The following SETBP1 variants were observed in gnomAD, a reference collection of about 807,000 sequenced individuals.
The protein encoded by SETBP1 is SET binding protein 1.
In SETBP1, 9 loss-of-function variants were observed where a neutral mutation model predicts 101.0. The ratio of observed to expected loss-of-function variants is 0.09; its 90% CI spans 0.05 to 0.16. The LOEUF (loss-of-function observed/expected upper bound fraction) is 0.16, where lower values mean the gene tolerates loss of function less well. Among genes scored for constraint, SETBP1 ranks in the 10% least tolerant of loss-of-function variants. The probability of loss-of-function intolerance (pLI) is 1.00; values close to 1 mark genes in which losing one functional copy is unlikely to be tolerated. For synonymous variants in SETBP1, 818 were observed against 788.5 expected (o/e 1.04, Z -0.63); for missense variants, 1,858 against 2,033.8 (o/e 0.91, Z 1.66).
intron 2 of SETBP1, among the ~76,000 whole-genome samples, chr18:44,703,461 T>C (rs904323834): frequency 6.7e-6 from 1 of 149,424 alleles, no homozygotes; most frequent in African/African-American, 2.5e-5. Context: ...ACAGGGCTTG[T>C]GTCCATCCTT....
chr18:44,757,034 C>A (rs1007085643), intron 2 of SETBP1, among the ~76,000 whole-genome samples: 1 of 151,410 alleles, frequency 6.6e-6, no homozygotes, highest in African/African-American at 2.4e-5. Flanking sequence ...ATTTTAAATT[C>A]TTTTTTTTTG....
intron 2 of SETBP1, among the ~76,000 whole-genome samples, chr18:44,838,856 A>G (rs771379853): frequency 6.6e-6 from 1 of 152,196 alleles, no homozygotes; most frequent in Non-Finnish European, 1.5e-5. Flanking sequence ...CTACACCTTA[A>G]TAACGTAATG....
intron 1 of SETBP1, among the ~76,000 whole-genome samples, chr18:44,683,345 T>A (rs1250286537): frequency 6.6e-6 from 1 of 152,194 alleles, no homozygotes; most frequent in East Asian, 1.9e-4. Flanking sequence ...TCACCTGACC[T>A]AAATGAGGGT....
At chr18:44,904,671 T>A (rs2070131083) in intron 3 of SETBP1, among the ~76,000 whole-genome samples, 1 of 152,208 alleles carries the variant, frequency 6.6e-6, no homozygotes, top group Non-Finnish European at 1.5e-5. Context: ...TAGGCTAGAC[T>A]GACTTAACAA....
At chr18:44,869,852 A>G (rs2069233299) in intron 3 of SETBP1, 1 of 176,308 alleles carries the variant, frequency 5.7e-6, no homozygotes, top group African/African-American at 2.4e-5. Flanking sequence ...CTTTCTGGAG[A>G]CTTTTTTGCA....
chr18:44,786,741 C>T (rs908388660), intron 2 of SETBP1, among the ~76,000 whole-genome samples: 1 of 152,124 alleles, frequency 6.6e-6, no homozygotes, highest in Non-Finnish European at 1.5e-5. Flanking sequence ...TTGGATCTTG[C>T]TTTTTTCTCT....
At chr18:44,976,575 A>G (rs1183320089) in intron 4 of SETBP1, among the ~76,000 whole-genome samples, 1 of 152,224 alleles carries the variant, frequency 6.6e-6, no homozygotes, top group African/African-American at 2.4e-5. Context: ...ACCCAGGTAC[A>G]TGTCCTCAGG....
intron 2 of SETBP1, among the ~76,000 whole-genome samples, chr18:44,735,054 A>G (rs2069933417): frequency 6.6e-6 from 1 of 152,240 alleles, no homozygotes; most frequent in South Asian, 2.1e-4. Flanking sequence ...ACTTAGAGAT[A>G]TTCACTAATA....
chr18:44,905,420 T>A (rs2070150725), intron 3 of SETBP1, among the ~76,000 whole-genome samples: 2 of 152,194 alleles, frequency 1.3e-5, no homozygotes, highest in Admixed American at 1.3e-4. Flanking sequence ...TATGTATATG[T>A]TATTTACTTT....
At chr18:44,692,550 G>C (rs948126413) in intron 1 of SETBP1, among the ~76,000 whole-genome samples, 3 of 152,144 alleles carry the variant, frequency 2.0e-5, no homozygotes, top group Admixed American at 2.0e-4. Flanking sequence ...TATAGCCCTT[G>C]TCCTCATGGA....
chr18:44,978,955 G>A (rs74318056), intron 4 of SETBP1, among the ~76,000 whole-genome samples: 1,909 of 152,300 alleles, frequency 0.013, 38 homozygotes, highest in African/African-American at 0.043. Flanking sequence ...TGAATAAATT[G>A]TCTAAAATCA....
intron 3 of SETBP1, among the ~76,000 whole-genome samples, chr18:44,929,171 G>C (rs1205399508): frequency 6.6e-6 from 1 of 152,086 alleles, no homozygotes; most frequent in Admixed American, 6.5e-5. Flanking sequence ...AGTTTTCCCA[G>C]CACCATTTAT....
chr18:44,710,452 T>TG (rs1160595506), intron 2 of SETBP1, among the ~76,000 whole-genome samples: 7 of 147,328 alleles, frequency 4.8e-5, no homozygotes, highest in African/African-American at 1.0e-4. Context: ...TTTTAGGAGT[T>TG]TTTTTTTTTT....
At position 44,683,967 on chromosome 18, in the gene SETBP1, T is replaced by C. The variant is rs929381652; in HGVS notation, c.-173+2946T>C. ...GTGCTTTAAAAATGGGATGGTGTTATTGAGTTTGTTCAGGGACTCAGTGTA... is the reference window on the plus strand; with the variant it reads ...GTGCTTTAAAAATGGGATGGTGTTACTGAGTTTGTTCAGGGACTCAGTGTA... On this transcript the variant is annotated intron_variant, in intron 1 of 5. Transcript: ENST00000649279. 2.6e-5 allele frequency among the ~76,000 whole-genome samples: 4 copies of C among 152,194 alleles called. No individual in the cohort carries two copies. In the East Asian group the frequency reaches 5.8e-4, roughly 22 times the overall value.
At chr18:45,003,087 C>T (rs541920738) in intron 4 of SETBP1, among the ~76,000 whole-genome samples, 8 of 152,310 alleles carry the variant, frequency 5.3e-5, no homozygotes, top group South Asian at 4.1e-4. Flanking sequence ...AAGCTGCCAT[C>T]GCTCAAAATA....
intron 2 of SETBP1, among the ~76,000 whole-genome samples, chr18:44,845,555 G>T (rs1165164757): frequency 6.6e-6 from 1 of 152,206 alleles, no homozygotes; most frequent in Non-Finnish European, 1.5e-5. Context: ...ATTCAAAGGA[G>T]GAAGACTGCT....
chr18:45,062,228 C>T (rs549236670), intron 5 of SETBP1, among the ~76,000 whole-genome samples: 7 of 152,318 alleles, frequency 4.6e-5, no homozygotes, highest in African/African-American at 1.2e-4. Flanking sequence ...AGAAGTTCGG[C>T]TCATAAAATA....
chr18:44,844,353 GCA>G (rs35801562), intron 2 of SETBP1, among the ~76,000 whole-genome samples: 59,552 of 138,020 alleles, frequency 0.43, 12,219 homozygotes, highest in East Asian at 0.51. Context: ...ACACACGCGC[GCA>G]CACACACACA....
Position 45,003,930 on chromosome 18 carries a change from C to A in SETBP1, c.4001-34555C>A, listed in dbSNP as rs149387824. Among the ~76,000 whole-genome samples, 5 of 152,190 alleles carry A rather than the reference C, an allele frequency of 3.3e-5. No individual in the cohort carries two copies. In the East Asian group the frequency reaches 9.7e-4, roughly 29 times the overall value. On this transcript the variant is annotated intron_variant, in intron 4 of 5. Coordinates refer to ENST00000649279, the MANE Select transcript of SETBP1 (RefSeq NM_015559.3). ...GTGATTCTTGCCTGGGTTTATTTAG[C>A]CCCCCACCAGGAGACTTTTGGCAAT...
Sources: allele counts gnomAD v4.1 joint callset (sites outside exome capture counted in the v4.1 genomes callset), GRCh38; gene constraint gnomAD v4.1.1; transcripts MANE v1.5; gene names NCBI Gene and HGNC (gene_info 2026-07-23, HGNC 2026-07-21).